Variants in ZIC4 observed in about 807,000 individuals in gnomAD.
ZIC4 encodes the protein Zic family zinc finger 4.
In ZIC4, 15 loss-of-function variants were observed where a neutral mutation model predicts 28.8. The observed-to-expected ratio is 0.52, with a 90% CI of 0.35 to 0.80. The LOEUF is 0.80. ZIC4 is among the 30% of genes least tolerant of loss of function. The probability of loss-of-function intolerance (pLI) is 0.01; values close to 1 mark genes in which losing one functional copy is unlikely to be tolerated. For missense variants in ZIC4, 512 were observed against 467.1 expected (o/e 1.10, Z -0.89); for synonymous variants, 220 against 198.1 (o/e 1.11, Z -0.93).
chr3:147,402,659 A>G, intron 2 of ZIC4, 69 bp downstream of exon 2: 1 of 1,293,598 alleles, frequency 7.7e-7, no homozygotes. Context: ...TTCCTACTTA[A>G]AAAAAAAAAA....
intron 4 of ZIC4, among the ~76,000 whole-genome samples, chr3:147,390,287 G>C (rs1275860984): frequency 6.6e-6 from 1 of 152,020 alleles, no homozygotes; most frequent in Non-Finnish European, 1.5e-5. Context: ...CCTAGGGAAG[G>C]GGAAACCATA....
intron 3 of ZIC4, 85 bp from the exon 4 acceptor site, chr3:147,391,331 T>G (rs1189945566): frequency 2.8e-6 from 4 of 1,427,756 alleles, no homozygotes; most frequent in Non-Finnish European, 3.7e-6. Flanking sequence ...CGTCTCTCAT[T>G]TTCTGGAAAA....
At chr3:147,402,852 A>G (rs747230024) in intron 1 of ZIC4, 40 bp from the exon 2 acceptor site, 1 of 1,546,030 alleles carries the variant, frequency 6.5e-7, no homozygotes, top group Non-Finnish European at 8.9e-7. Flanking sequence ...TAGTTAAACA[A>G]TTTTACACGT....
chr3:147,402,285 G>A (rs1050158326), intron 2 of ZIC4, among the ~76,000 whole-genome samples: 5 of 152,176 alleles, frequency 3.3e-5, no homozygotes, highest in African/African-American at 1.2e-4. Context: ...TAAAGATGAT[G>A]TATATCATGT....
Position 147,391,130 on chromosome 3 carries a change from G to T in ZIC4, c.805C>A (p.Arg269=). The change falls in exon 4 of 5, where the codon CGG becomes AGG. Residue 269 remains arginine, a synonymous_variant. Coordinates refer to ENST00000383075, the MANE Select transcript of ZIC4 (RefSeq NM_032153.6). ...TSDKPYTCKV[R]GCDKCYTHPS... ...TGCGTGTAGCACTTGTCGCAGCCCCGCACCTTGCACGTGTATGGCTTGTCG... is the reference window on the plus strand; with the variant it reads ...TGCGTGTAGCACTTGTCGCAGCCCCTCACCTTGCACGTGTATGGCTTGTCG... 6.2e-7 allele frequency: 1 copy of T among 1,614,028 alleles called. No homozygotes were observed. Among genetic ancestry groups the T allele is most frequent in the Non-Finnish European group, 8.5e-7 (1 of 1,179,914 alleles).
rs2086797621 is a variant in ZIC4 at position 147,386,358 on chromosome 3, T to C, written c.*2501A>G. The C allele has an allele frequency of 6.6e-6, 1 of 152,654 alleles. No homozygotes were observed. Among genetic ancestry groups the C allele is most frequent in the East Asian group, 1.9e-4 (1 of 5,208 alleles). The allele number at this position is 152,654 out of a possible 1,614,324, so 9.5% of individuals were successfully genotyped here. A position where few individuals can be genotyped will look rare whatever the true frequency, so the allele number is the denominator to read the frequency against. ...GATTTCAGCCAGGCTTTTGTGTATA[T>C]GTGAATTATGATTACAAAATGTTTG... On this transcript the variant is annotated 3_prime_UTR_variant, in exon 5 of 5. Transcript: ENST00000383075.
At chr3:147,397,504 C>A (rs963739678) in intron 2 of ZIC4, among the ~76,000 whole-genome samples, 4 of 152,184 alleles carry the variant, frequency 2.6e-5, no homozygotes, top group African/African-American at 7.2e-5. Context: ...GCCTCCTCCC[C>A]CTCCTCTCCG....
chr3:147,387,644 C>T lies in ZIC4; in HGVS notation c.*1215G>A, dbSNP rs1443755550. 2 of 152,584 alleles carry T rather than the reference C, an allele frequency of 1.3e-5. No individual in the cohort carries two copies. Among genetic ancestry groups the T allele is most frequent in the East Asian group, 1.9e-4 (1 of 5,184 alleles). 9.5% of individuals were successfully genotyped at this position (152,584 alleles called of 1,614,324 possible). On this transcript the variant is annotated 3_prime_UTR_variant, in exon 5 of 5. Coordinates refer to ENST00000383075, the MANE Select transcript of ZIC4 (RefSeq NM_032153.6). ...GACTTCTAACTTTCCTGCCATCTTC[C>T]CCACATCCCCTTGGCCTTGGGCTCT... is the stretch of plus-strand genomic sequence containing the variant.
At chr3:147,395,757 T>A in intron 3 of ZIC4, 95 bp downstream of exon 3, 3 of 1,512,564 alleles carry the variant, frequency 2.0e-6, no homozygotes, top group East Asian at 2.3e-5. Context: ...CCCAAAATAT[T>A]TCCCCCTCCC....
intron 3 of ZIC4, chr3:147,392,374 C>A (rs1463416661): frequency 1.0e-6 from 1 of 985,486 alleles, no homozygotes; most frequent in Non-Finnish European, 1.2e-6. Flanking sequence ...CGCGAGTGCA[C>A]GTTAGAGTGA....
At chr3:147,395,706 C>G in intron 3 of ZIC4, 146 bp downstream of exon 3, 1 of 1,283,818 alleles carries the variant, frequency 7.8e-7, no homozygotes, top group Non-Finnish European at 1.1e-6. Context: ...AGAATAGAAG[C>G]GCATAATTAA....
intron 3 of ZIC4, chr3:147,393,704 T>C: frequency 3.3e-6 from 1 of 302,484 alleles, no homozygotes; most frequent in Non-Finnish European, 6.6e-6. Context: ...CGGTCTCTTT[T>C]CCTCTACCTC....
chr3:147,391,476 G>C lies in ZIC4; in HGVS notation c.689-230C>G, dbSNP rs1225581868. On this transcript the variant is annotated intron_variant, in intron 3 of 4. Coordinates refer to ENST00000383075, the MANE Select transcript of ZIC4 (RefSeq NM_032153.6). The stretch of plus-strand genomic sequence containing the variant: ...TCCCGCCTTCCTCCTCTGGGCTCAT[G>C]GGGAGGGTATGGAGGAGGAGCGACA... 4 of 498,594 alleles carry C rather than the reference G, an allele frequency of 8.0e-6. No homozygotes were observed. In the East Asian group the frequency reaches 1.0e-4, roughly 13 times the overall value. 30.9% of individuals were successfully genotyped at this position (498,594 alleles called of 1,614,324 possible).
In ZIC4 at chr3:147,386,494, A is replaced by G. The variant is rs2107955204; in HGVS notation, c.*2365T>C. 1 of 152,816 alleles carries G rather than the reference A, an allele frequency of 6.5e-6. No individual in the cohort carries two copies. The highest frequency in any genetic ancestry group is 1.9e-4 in the East Asian group (1 of 5,194). 9.5% of individuals were successfully genotyped at this position (152,816 alleles called of 1,614,324 possible). A position where few individuals can be genotyped will look rare whatever the true frequency, so the allele number is the denominator to read the frequency against. ...AACAAATAAAATCAATATCAGGAAGAACATTTTGCAGCAACTATAATAACA... is the reference window on the plus strand; with the variant it reads ...AACAAATAAAATCAATATCAGGAAGGACATTTTGCAGCAACTATAATAACA... On this transcript the variant is annotated 3_prime_UTR_variant, in exon 5 of 5. Transcript: ENST00000383075.
intron 3 of ZIC4, chr3:147,394,074 A>G: frequency 2.4e-6 from 1 of 419,348 alleles, no homozygotes; most frequent in Non-Finnish European, 4.8e-6. Context: ...TTCATGAATA[A>G]TTTGTAGTGA....
chr3:147,400,118 T>G (rs2107980384), intron 2 of ZIC4, among the ~76,000 whole-genome samples: 1 of 152,290 alleles, frequency 6.6e-6, no homozygotes, highest in African/African-American at 2.4e-5. Context: ...AGTCCAGTAT[T>G]TGCTGCACAT....
At chr3:147,398,813 G>T (rs1336783436) in intron 2 of ZIC4, among the ~76,000 whole-genome samples, 1 of 152,102 alleles carries the variant, frequency 6.6e-6, no homozygotes, top group Admixed American at 6.5e-5. Flanking sequence ...TGACTGAACT[G>T]CCCCTCCTCC....
In ZIC4 at chr3:147,396,065, T is replaced by C; in HGVS notation, c.475A>G (p.Thr159Ala). ...STMHELVTHV[T>A]VEHVGGPEQA... ...TCCGGGCCGCCGACGTGCTCCACGG[T>C]GACGTGCGTGACCAGCTCGTGCATG... The change falls in exon 3 of 5, where the codon ACC becomes GCC. Residue 159 changes from threonine (T) to alanine (A), a missense_variant. This residue lies in a region of ZIC4 where 310 missense variants were observed against 256.5 expected (regional missense o/e 1.21). Transcript: ENST00000383075. The surrounding 1 kb of genome is among the most constrained non-coding windows in gnomAD (Gnocchi z 4.2). 1 of 1,614,232 alleles carries C rather than the reference T, an allele frequency of 6.2e-7. No homozygotes were observed. The highest frequency in any genetic ancestry group is 8.5e-7 in the Non-Finnish European group (1 of 1,180,048).
At chr3:147,405,207 G>T (rs1331506692) in intron 1 of ZIC4, among the ~76,000 whole-genome samples, 1 of 152,198 alleles carries the variant, frequency 6.6e-6, no homozygotes, top group African/African-American at 2.4e-5. Flanking sequence ...GCATCCGGGT[G>T]CCCAGAATAG....
Sources: allele counts gnomAD v4.1 joint callset (sites outside exome capture counted in the v4.1 genomes callset), GRCh38; gene constraint gnomAD v4.1.1; regional missense constraint gnomAD v4.1.1; non-coding constraint Gnocchi (gnomAD v3.1); transcripts MANE v1.5; gene names NCBI Gene and HGNC (gene_info 2026-07-23, HGNC 2026-07-21).